NDEL1: variants seen among roughly 807,000 people sequenced by gnomAD.
NDEL1 encodes nuclear distribution protein nudE-like 1.
Under a neutral mutation model 45.7 loss-of-function variants are expected in NDEL1, and 9 were observed. The observed-to-expected ratio is 0.20, with a 90% confidence interval of 0.12 to 0.34. NDEL1 has a LOEUF of 0.34. Ranked by LOEUF, NDEL1 falls within the 10% of genes least tolerant of loss-of-function variation. The pLI is 1.00. For synonymous variants in NDEL1, 133 were observed against 158.6 expected (o/e 0.84, Z 1.21); for missense variants, 306 against 406.2 (o/e 0.75, Z 2.12).
intron 1 of NDEL1, among the ~76,000 whole-genome samples, chr17:8,417,212 G>A (rs1215935504): frequency 6.6e-6 from 1 of 151,868 alleles, no homozygotes; most frequent in Admixed American, 6.6e-5. Context: ...TGCCTCCCAT[G>A]TCGAAGTGAT....
At chr17:8,414,117 C>G (rs537663962) in intron 1 of NDEL1, among the ~76,000 whole-genome samples, 19 of 151,980 alleles carry the variant, frequency 1.3e-4, no homozygotes, top group Non-Finnish European at 2.9e-5. Context: ...AATTATCTAC[C>G]TTGTCCTTTT....
chr17:8,445,511 C>T (rs1212116791), intron 2 of NDEL1, among the ~76,000 whole-genome samples, 200 bp from the exon 3 acceptor site: 1 of 152,104 alleles, frequency 6.6e-6, no homozygotes, highest in African/African-American at 2.4e-5. Context: ...TAATCACTGA[C>T]TTGTGGCTCC....
chr17:8,454,733 A>G lies in NDEL1; in HGVS notation c.701-63A>G, dbSNP rs536890334. ...AGTGTTACACTACTTTGTAACATCA[A>G]CAACAAAACCCAAATGTAAAGGGAA... On this transcript the variant is annotated intron_variant, in intron 6 of 8. Coordinates refer to ENST00000334527, the MANE Select transcript of NDEL1 (RefSeq NM_030808.5). 7.0e-6 allele frequency: 9 copies of G among 1,290,398 alleles called. No homozygotes were observed. In the African/African-American group the frequency reaches 1.0e-4, roughly 15 times the overall value. The allele number at this position is 1,290,398 out of a possible 1,614,324, so 79.9% of individuals were successfully genotyped here.
chr17:8,459,915 G>A, intron 7 of NDEL1, 94 bp from the exon 8 acceptor site: 1 of 1,344,478 alleles, frequency 7.4e-7, no homozygotes, highest in South Asian at 1.4e-5. Flanking sequence ...AGATGAGTAA[G>A]TTTTGAGGCT....
chr17:8,417,553 G>A (rs1908582201), intron 1 of NDEL1, among the ~76,000 whole-genome samples: 1 of 152,194 alleles, frequency 6.6e-6, no homozygotes, highest in Admixed American at 6.5e-5. Context: ...CTGTGTCTGT[G>A]CGTGTGTCTG....
chr17:8,432,733 T>C (rs1455059707), upstream of NDEL1, among the ~76,000 whole-genome samples: 2 of 152,080 alleles, frequency 1.3e-5, no homozygotes, highest in East Asian at 3.9e-4. Flanking sequence ...GGGAGCCAAA[T>C]TGGGACTGTA....
At chr17:8,445,491 A>G (rs903427971) in intron 2 of NDEL1, among the ~76,000 whole-genome samples, 13 of 4,060 alleles carry the variant, frequency 3.2e-3, no homozygotes, top group African/African-American at 3.3e-3. Flanking sequence ...CTTACTTTTC[A>G]TAAATATTGT....
downstream of NDEL1, chr17:8,468,249 G>T (rs1911735662): frequency 6.6e-6 from 1 of 152,260 alleles, no homozygotes; most frequent in African/African-American, 2.4e-5. Context: ...CTGCTGCTCT[G>T]ACATGGGACA....
downstream of NDEL1, among the ~76,000 whole-genome samples, chr17:8,472,032 T>C (rs1221802036): frequency 1.3e-5 from 2 of 152,090 alleles, no homozygotes; most frequent in African/African-American, 4.8e-5. Context: ...TCCTAACGAT[T>C]CCAACCTGGA....
upstream of NDEL1, among the ~76,000 whole-genome samples, chr17:8,435,192 G>A (rs1400590404): frequency 6.6e-6 from 1 of 151,996 alleles, no homozygotes; most frequent in African/African-American, 2.4e-5. Flanking sequence ...ATACACACAC[G>A]TACACGCATG....
At chr17:8,434,176 T>TG (rs375491472), upstream of NDEL1, among the ~76,000 whole-genome samples, 78 of 152,326 alleles carry the variant, frequency 5.1e-4, no homozygotes, top group African/African-American at 1.9e-3. Context: ...CCCAGGACTT[T>TG]GTGGGGGGCT....
At chr17:8,438,084 G>A (rs1021684409) in intron 1 of NDEL1, among the ~76,000 whole-genome samples, 8 of 152,054 alleles carry the variant, frequency 5.3e-5, no homozygotes, top group Admixed American at 2.6e-4. Context: ...TCAGCCTCCT[G>A]AGTAGCTGGG....
chr17:8,450,306 C>T (rs569612666), intron 5 of NDEL1, among the ~76,000 whole-genome samples: 1 of 150,596 alleles, frequency 6.6e-6, no homozygotes, highest in Non-Finnish European at 1.5e-5. Flanking sequence ...AAAAAAAACG[C>T]TCAATATTTG....
rs192349527 is a variant in NDEL1, at chr17:8,446,683, A to C, written c.241-71A>C. The stretch of plus-strand genomic sequence containing the variant: ...CCTTGGGTTCCCCCCCACCCTTTTA[A>C]CTTGAGTTACCTCTTTAGTAAAGAG... On this transcript the variant is annotated intron_variant, in intron 3 of 8. Coordinates refer to ENST00000334527, the MANE Select transcript of NDEL1 (RefSeq NM_030808.5). The C allele has an allele frequency of 2.9e-3, 4,364 of 1,524,876 alleles. 14 individuals are homozygous for C. Among genetic ancestry groups the C allele is most frequent in the Non-Finnish European group, 3.5e-3 (3,913 of 1,119,622 alleles). 94.5% of individuals were successfully genotyped at this position (1,524,876 alleles called of 1,614,324 possible). A position where few individuals can be genotyped will look rare whatever the true frequency, so the allele number is the denominator to read the frequency against.
chr17:8,448,181 G>A (rs1436598307), intron 4 of NDEL1, among the ~76,000 whole-genome samples: 4 of 152,152 alleles, frequency 2.6e-5, no homozygotes, highest in Non-Finnish European at 5.9e-5. Context: ...TCCCTGACTT[G>A]GGACTTAATG....
At chr17:8,459,522 A>G (rs142613473) in intron 7 of NDEL1, among the ~76,000 whole-genome samples, 1 of 152,336 alleles carries the variant, frequency 6.6e-6, no homozygotes, top group East Asian at 1.9e-4. Flanking sequence ...AAAGTGTTGT[A>G]AATGTTCTCA....
upstream of NDEL1, among the ~76,000 whole-genome samples, chr17:8,435,285 TCA>T: frequency 3.1e-4 from 1 of 3,204 alleles, no homozygotes; most frequent in Non-Finnish European, 0.013. Flanking sequence ...ACGAATCCAT[TCA>T]TTCATTCATC....
rs147843063 is a variant in NDEL1, at chr17:8,460,116, C to T, written c.900C>T (p.Gly300=). ...ACTGTGGGGTGCTGAATGGCAATGGCACAAAGTTCTCTCGATCAGGGCATA... is the reference window on the plus strand; with the variant it reads ...ACTGTGGGGTGCTGAATGGCAATGGTACAAAGTTCTCTCGATCAGGGCATA... ...NVNCGVLNGN[G]TKFSRSGHTS... is the part of the protein sequence containing the mutation. Residue 300 remains glycine (G), a synonymous_variant, in exon 8 of 9, where the codon GGC becomes GGT. Coordinates refer to ENST00000334527, the MANE Select transcript of NDEL1 (RefSeq NM_030808.5). 6.8e-6 allele frequency: 11 copies of T among 1,613,978 alleles called. No homozygotes were observed. In the African/African-American group the frequency reaches 1.5e-4, roughly 22 times the overall value.
At chr17:8,442,937 G>A (rs1043461461) in intron 1 of NDEL1, among the ~76,000 whole-genome samples, 6 of 151,804 alleles carry the variant, frequency 4.0e-5, no homozygotes, top group African/African-American at 7.3e-5. Context: ...CTGCCACCAC[G>A]CCCGGCTAAT....
Sources: gnomAD v4.1 joint callset for allele counts (sites outside exome capture counted in the v4.1 genomes callset) on GRCh38, gnomAD v4.1.1 for gene constraint, MANE v1.5 for transcripts, NCBI Gene and HGNC (gene_info 2026-07-23, HGNC 2026-07-21) for gene names.